EHBP1: variants seen among roughly 807,000 people sequenced by gnomAD.
The protein encoded by EHBP1 is EH domain binding protein 1.
Under a neutral mutation model 144.0 loss-of-function variants are expected in EHBP1, and 55 were observed. The observed-to-expected ratio is 0.38, with a 90% confidence interval of 0.31 to 0.48. The LOEUF is 0.48. Ranked by LOEUF, EHBP1 falls within the 20% of genes least tolerant of loss-of-function variation. The probability of loss-of-function intolerance (pLI) is 0.98; values close to 1 mark genes in which losing one functional copy is unlikely to be tolerated. For synonymous variants in EHBP1, 469 were observed against 472.7 expected (o/e 0.99, Z 0.10); for missense variants, 1,200 against 1,364.2 (o/e 0.88, Z 1.90).
At chr2:62,782,838 T>G (rs1050571277) in intron 5 of EHBP1, among the ~76,000 whole-genome samples, 3 of 152,094 alleles carry the variant, frequency 2.0e-5, no homozygotes, top group African/African-American at 7.2e-5. Flanking sequence ...TGTCTTCACG[T>G]TTCAAAACAA....
intron 10 of EHBP1, among the ~76,000 whole-genome samples, chr2:62,920,100 A>G (rs2054950946): frequency 6.6e-6 from 1 of 152,198 alleles, no homozygotes; most frequent in African/African-American, 2.4e-5. Context: ...CCCAAATTTC[A>G]TGAAAGACAT....
chr2:62,859,309 A>G lies in EHBP1; in HGVS notation c.757+18A>G, dbSNP rs199734620. 1.3e-6 allele frequency: 2 copies of G among 1,593,032 alleles called. No homozygotes were observed. ...CTCAGAAGGTAGCAAGTTTTTCTGT[A>G]ATTTTAAAGTCTTTGTATAGTCAAG... is the stretch of plus-strand genomic sequence containing the variant. On this transcript the variant is annotated intron_variant, in intron 8 of 22. Coordinates refer to ENST00000431489, the MANE Select transcript of EHBP1 (RefSeq NM_001142616.3).
chr2:62,928,839 A>T (rs2055746559), intron 10 of EHBP1, among the ~76,000 whole-genome samples: 1 of 149,206 alleles, frequency 6.7e-6, no homozygotes, highest in African/African-American at 2.5e-5. Context: ...TAGACTAAGA[A>T]CAAAAAAAAA....
At chr2:62,981,262 TTC>T (rs1038303846) in intron 15 of EHBP1, among the ~76,000 whole-genome samples, 1 of 152,138 alleles carries the variant, frequency 6.6e-6, no homozygotes, top group African/African-American at 2.4e-5. Context: ...AATTAGATGC[TTC>T]TTTTATCGTA....
At chr2:62,836,886 G>A (rs1382477765) in intron 7 of EHBP1, among the ~76,000 whole-genome samples, 2 of 150,932 alleles carry the variant, frequency 1.3e-5, no homozygotes, top group Admixed American at 6.6e-5. Context: ...AAGTGATGGG[G>A]AGAATGGAAC....
intron 19 of EHBP1, among the ~76,000 whole-genome samples, chr2:63,022,895 C>T (rs977871756): frequency 5.9e-5 from 9 of 151,958 alleles, no homozygotes; most frequent in African/African-American, 1.2e-4. Context: ...CATTAGAGGC[C>T]GGGCACAGTG....
chr2:62,905,072 A>T (rs746831694), intron 10 of EHBP1, among the ~76,000 whole-genome samples: 2 of 152,196 alleles, frequency 1.3e-5, no homozygotes, highest in Non-Finnish European at 2.9e-5. Context: ...TATGAAGGTG[A>T]TGTTTAAGTA....
chr2:62,873,723 A>G (rs1573835627), intron 9 of EHBP1, among the ~76,000 whole-genome samples: 1 of 152,172 alleles, frequency 6.6e-6, no homozygotes, highest in African/African-American at 2.4e-5. Flanking sequence ...CATAGAAAAG[A>G]TGACTTACAA....
intron 2 of EHBP1, among the ~76,000 whole-genome samples, chr2:62,720,802 A>G (rs1249593651): frequency 6.6e-6 from 1 of 152,190 alleles, no homozygotes; most frequent in Non-Finnish European, 1.5e-5. Context: ...TGTAAAATAC[A>G]CTAACACTAA....
intron 10 of EHBP1, chr2:62,939,930 A>G (rs2056640724): frequency 4.6e-6 from 1 of 215,316 alleles, no homozygotes; most frequent in Admixed American, 5.1e-5. Flanking sequence ...AGGTTAGGAA[A>G]CTGTATCACA....
At chr2:62,950,349 G>T (rs1456905046) in intron 13 of EHBP1, among the ~76,000 whole-genome samples, 1 of 152,124 alleles carries the variant, frequency 6.6e-6, no homozygotes, top group Non-Finnish European at 1.5e-5. Flanking sequence ...GAAGTTACAT[G>T]ATTTGTGATA....
At chr2:62,960,515 A>G (rs1031217523) in intron 14 of EHBP1, among the ~76,000 whole-genome samples, 3 of 152,168 alleles carry the variant, frequency 2.0e-5, no homozygotes, top group Admixed American at 1.3e-4. Context: ...TCATCCCAAT[A>G]TAATTATCTA....
At chr2:62,881,753 T>C (rs1322001437) in intron 10 of EHBP1, 2 of 152,230 alleles carry the variant, frequency 1.3e-5, no homozygotes, top group Non-Finnish European at 2.9e-5. Context: ...AACCTAAAGC[T>C]ATTAAACGAT....
chr2:62,810,705 A>C (rs1436604962), intron 5 of EHBP1, among the ~76,000 whole-genome samples: 1 of 152,236 alleles, frequency 6.6e-6, no homozygotes, highest in Non-Finnish European at 1.5e-5. Flanking sequence ...TGGAAGATGT[A>C]ATACTTGGGT....
At chr2:63,019,252 C>T (rs905376988) in intron 19 of EHBP1, among the ~76,000 whole-genome samples, 1 of 152,156 alleles carries the variant, frequency 6.6e-6, no homozygotes, top group Non-Finnish European at 1.5e-5. Flanking sequence ...ATTTGAGAAA[C>T]ACAGAGTGAA....
intron 5 of EHBP1, among the ~76,000 whole-genome samples, chr2:62,782,740 G>C (rs866005844): frequency 6.6e-6 from 1 of 152,110 alleles, no homozygotes; most frequent in African/African-American, 2.4e-5. Context: ...TACCCTTGAC[G>C]TGTGGAGATT....
chr2:62,961,870 A>G (rs1354933610), intron 14 of EHBP1, among the ~76,000 whole-genome samples: 1 of 151,980 alleles, frequency 6.6e-6, no homozygotes, highest in Non-Finnish European at 1.5e-5. Flanking sequence ...CTCTGCTAAA[A>G]ACAGAAAAAT....
chr2:62,743,438 G>A (rs1472424277), intron 2 of EHBP1, among the ~76,000 whole-genome samples: 1 of 151,958 alleles, frequency 6.6e-6, no homozygotes, highest in East Asian at 1.9e-4. Flanking sequence ...AGGGTAGTTG[G>A]TTTAATGGTC....
chr2:62,734,054 A>G (rs2037869589), intron 2 of EHBP1, among the ~76,000 whole-genome samples: 1 of 152,172 alleles, frequency 6.6e-6, no homozygotes, highest in African/African-American at 2.4e-5. Flanking sequence ...GTGGGGCTAT[A>G]TAGAAGTGAC....
Sources: allele counts gnomAD v4.1 joint callset (sites outside exome capture counted in the v4.1 genomes callset), GRCh38; gene constraint gnomAD v4.1.1; transcripts MANE v1.5; gene names NCBI Gene and HGNC (gene_info 2026-07-23, HGNC 2026-07-21).